PDE4B: variants seen among roughly 807,000 people sequenced by gnomAD.
The protein encoded by PDE4B is 3',5'-cyclic-AMP phosphodiesterase 4B.
In PDE4B, 20 loss-of-function variants were observed where a neutral mutation model predicts 82.2. That is an observed-to-expected ratio of 0.24 (90% confidence interval 0.17 to 0.35). The LOEUF (loss-of-function observed/expected upper bound fraction) is 0.35. PDE4B is among the 10% of genes least tolerant of loss of function. The pLI is 1.00. For missense variants in PDE4B, 655 were observed against 907.2 expected, an observed-to-expected ratio of 0.72 and a Z score of 3.57; for synonymous variants, 320 against 318.9, an observed-to-expected ratio of 1.00 and a Z score of -0.04.
At chr1:66,198,610 T>G (rs11208817) in intron 3 of PDE4B, among the ~76,000 whole-genome samples, 73,686 of 152,010 alleles carry the variant, frequency 0.48, 18,928 homozygotes, top group South Asian at 0.63. Flanking sequence ...TTATTTTATT[T>G]TATTTTATTA....
At chr1:66,254,863 T>C (rs1654070837) in intron 4 of PDE4B, among the ~76,000 whole-genome samples, 1 of 152,162 alleles carries the variant, frequency 6.6e-6, no homozygotes. Flanking sequence ...ATGGGTGCAA[T>C]TTCTAACTAT....
At chr1:66,122,740 C>A (rs1169014593) in intron 3 of PDE4B, among the ~76,000 whole-genome samples, 1 of 137,868 alleles carries the variant, frequency 7.3e-6, no homozygotes, top group African/African-American at 2.7e-5. Flanking sequence ...AGTTTTCCTC[C>A]TGTTGCCCAG....
At chr1:66,139,103 A>G (rs1646117491) in intron 3 of PDE4B, among the ~76,000 whole-genome samples, 3 of 152,228 alleles carry the variant, frequency 2.0e-5, no homozygotes, top group Non-Finnish European at 4.4e-5. Context: ...AATTACCACA[A>G]ATTAAGTGGC....
intron 3 of PDE4B, among the ~76,000 whole-genome samples, chr1:66,039,521 G>A (rs1016937630): frequency 7.9e-5 from 12 of 151,910 alleles, no homozygotes; most frequent in Non-Finnish European, 1.5e-5. Context: ...CACCAACAAC[G>A]TTGTTTACTT....
At position 65,842,458 on chromosome 1, in the gene PDE4B, A is replaced by ATATATATTTG. The variant is rs1646218610; in HGVS notation, c.-71+49210_-71+49211insTATATATTTG. On this transcript the variant is annotated intron_variant, in intron 1 of 16. Coordinates refer to ENST00000341517, the MANE Select transcript of PDE4B (RefSeq NM_002600.4). ...AACATGCAAACAACTAAAACATAGG[A>ATATATATTTG]CAACATATATTGTATCATGATTAGC... is the stretch of plus-strand genomic sequence containing the variant. Among the ~76,000 whole-genome samples, 4 of 152,164 alleles carry ATATATATTTG rather than the reference A, an allele frequency of 2.6e-5. No individual in the cohort carries two copies. In the East Asian group the frequency reaches 7.7e-4, roughly 29 times the overall value.
intron 16 of PDE4B, among the ~76,000 whole-genome samples, chr1:66,369,793 C>T (rs1458039297): frequency 6.6e-6 from 1 of 152,146 alleles, no homozygotes; most frequent in East Asian, 1.9e-4. Context: ...TATTAATATA[C>T]AGTTCCTTTG....
chr1:65,932,904 C>G (rs1647915710), intron 3 of PDE4B, among the ~76,000 whole-genome samples: 1 of 151,634 alleles, frequency 6.6e-6, no homozygotes, highest in Admixed American at 6.6e-5. Flanking sequence ...GTCAGAAGAG[C>G]AAAAAGAAAA....
chr1:66,113,723 A>G (rs1222001162), intron 3 of PDE4B, among the ~76,000 whole-genome samples: 1 of 152,228 alleles, frequency 6.6e-6, no homozygotes, highest in Non-Finnish European at 1.5e-5. Flanking sequence ...TATACTATCA[A>G]TAGAATTCTT....
intron 3 of PDE4B, among the ~76,000 whole-genome samples, chr1:66,237,896 C>T (rs192579079): frequency 1.0e-3 from 152 of 152,170 alleles, no homozygotes; most frequent in African/African-American, 3.5e-3. Context: ...AGTTAGTATA[C>T]CGTTAAGTGC....
intron 6 of PDE4B, among the ~76,000 whole-genome samples, chr1:66,260,403 T>C (rs2101712637): frequency 6.6e-6 from 1 of 152,236 alleles, no homozygotes. Context: ...GAAGAACTTA[T>C]GGAATAGATG....
intron 6 of PDE4B, among the ~76,000 whole-genome samples, chr1:66,264,852 G>T (rs1654922065): frequency 6.6e-6 from 1 of 152,214 alleles, no homozygotes; most frequent in Non-Finnish European, 1.5e-5. Flanking sequence ...GCTTGCCTGT[G>T]CAAGAGAATG....
intron 7 of PDE4B, among the ~76,000 whole-genome samples, chr1:66,294,676 T>C (rs1657370897): frequency 6.6e-6 from 1 of 152,134 alleles, no homozygotes; most frequent in African/African-American, 2.4e-5. Context: ...ATTTTTTTGT[T>C]ATATTAGCTA....
chr1:66,014,885 G>A (rs1569979903), intron 3 of PDE4B, among the ~76,000 whole-genome samples: 1 of 152,120 alleles, frequency 6.6e-6, no homozygotes, highest in East Asian at 1.9e-4. Context: ...GTAGTGCTGA[G>A]GTTGAGGAAC....
chr1:66,291,004 T>A (rs1657033329), intron 7 of PDE4B, among the ~76,000 whole-genome samples: 1 of 152,116 alleles, frequency 6.6e-6, no homozygotes. Flanking sequence ...CCAGGGTACC[T>A]CCTCTACCTA....
At chr1:65,844,367 A>T (rs563389267) in intron 1 of PDE4B, among the ~76,000 whole-genome samples, 2 of 152,324 alleles carry the variant, frequency 1.3e-5, no homozygotes, top group South Asian at 4.1e-4. Context: ...AGTAGTGCGC[A>T]TGGAAGTGTT....
intron 13 of PDE4B, 127 bp downstream of exon 13, chr1:66,365,893 A>T (rs1330809177): frequency 1.8e-6 from 1 of 547,524 alleles, no homozygotes; most frequent in Non-Finnish European, 3.2e-6. Context: ...CATTTCTCTC[A>T]AACTGGTCAG....
chr1:65,947,378 G>A (rs967803135), intron 3 of PDE4B, among the ~76,000 whole-genome samples: 13 of 151,996 alleles, frequency 8.6e-5, no homozygotes, highest in Non-Finnish European at 1.3e-4. Context: ...GGCTCGGCTC[G>A]TGTATTAAAT....
intron 3 of PDE4B, chr1:65,992,868 T>C: frequency 1.9e-6 from 3 of 1,598,300 alleles, no homozygotes; most frequent in Non-Finnish European, 2.6e-6. Context: ...GTTTGAGATT[T>C]TTGTTTTGGA....
At chr1:66,266,616 GTGTTT>G (rs142998183) in intron 7 of PDE4B, 10 of 453,830 alleles carry the variant, frequency 2.2e-5, no homozygotes, top group Admixed American at 5.4e-5. Flanking sequence ...TTCCTCAACG[GTGTTT>G]TGTTTTGTTT....
Sources: allele counts gnomAD v4.1 joint callset (sites outside exome capture counted in the v4.1 genomes callset), GRCh38; gene constraint gnomAD v4.1.1; transcripts MANE v1.5; gene names NCBI Gene and HGNC (gene_info 2026-07-23, HGNC 2026-07-21).